ESYT2: variants seen among roughly 807,000 people sequenced by gnomAD.
ESYT2 encodes extended synaptotagmin 2, also known as extended synaptotagmin-2.
In ESYT2, 54 loss-of-function variants were observed where a neutral mutation model predicts 107.2. That is an observed-to-expected ratio of 0.50 (90% CI 0.40 to 0.63). The LOEUF (loss-of-function observed/expected upper bound fraction) is 0.63. Ranked by LOEUF, ESYT2 falls within the 30% of genes least tolerant of loss-of-function variation. The pLI, the probability that ESYT2 is intolerant of heterozygous loss-of-function variation, is 0.00. For synonymous variants in ESYT2, 491 were observed against 434.1 expected, an observed-to-expected ratio of 1.13 and a Z score of -1.63; for missense variants, 1,020 against 1,094.5, an observed-to-expected ratio of 0.93 and a Z score of 0.96.
At chr7:158,770,500 T>C (rs1469178084) in intron 7 of ESYT2, among the ~76,000 whole-genome samples, 5 of 150,830 alleles carry the variant, frequency 3.3e-5, no homozygotes, top group Non-Finnish European at 7.4e-5. Flanking sequence ...TAATTATACA[T>C]ATACGATTAT....
chr7:158,781,882 T>A (rs1429142731), intron 6 of ESYT2, among the ~76,000 whole-genome samples: 1 of 18,696 alleles, frequency 5.3e-5, no homozygotes, highest in Admixed American at 7.5e-4. Flanking sequence ...CGAGAACAAG[T>A]AAGAACGAGA....
chr7:158,756,914 TAAAAA>T (rs201326042), intron 13 of ESYT2, among the ~76,000 whole-genome samples: 4 of 98,802 alleles, frequency 4.0e-5, no homozygotes, highest in African/African-American at 8.1e-5. Context: ...CATCTCAAAT[TAAAAA>T]AAAAAAAAAA....
chr7:158,743,774 T>G (rs66795622), intron 16 of ESYT2, 96 bp from the exon 17 acceptor site: 211,682 of 1,326,352 alleles, frequency 0.16, 21,098 homozygotes, highest in East Asian at 0.54. Context: ...TCCTCAGAGA[T>G]AGGAACTTAG....
rs112835563 is a variant in ESYT2, at chr7:158,741,283, C to T, written c.2168+240G>A. Among the ~76,000 whole-genome samples, 724 of 152,346 alleles carry T rather than the reference C, an allele frequency of 4.8e-3. 11 individuals are homozygous for T. The highest frequency in any genetic ancestry group is 0.016 in the African/African-American group (654 of 41,584). ...TTTCCTACTGTGAAACCTATTACTC[C>T]ATCACGTTCTAATCTTTAATGACTA... On this transcript the variant is annotated intron_variant, in intron 18 of 22. Transcript: ENST00000275418.
chr7:158,747,236 T>C (rs148517240), intron 16 of ESYT2, among the ~76,000 whole-genome samples: 1,774 of 143,448 alleles, frequency 0.012, 41 homozygotes, highest in African/African-American at 0.038. Context: ...TAATCCCAGC[T>C]CTCAGGAGGC....
At chr7:158,744,316 A>G (rs1360612667) in intron 16 of ESYT2, 5 of 152,374 alleles carry the variant, frequency 3.3e-5, no homozygotes, top group Middle Eastern at 6.8e-3. Flanking sequence ...GAAAAGCAGT[A>G]ATGACAATAA....
chr7:158,769,600 T>C (rs1235419977), intron 7 of ESYT2, among the ~76,000 whole-genome samples: 2 of 152,236 alleles, frequency 1.3e-5, no homozygotes, highest in Non-Finnish European at 2.9e-5. Flanking sequence ...GTATTTTGTT[T>C]CCACCATAAT....
intron 13 of ESYT2, among the ~76,000 whole-genome samples, chr7:158,758,040 C>T (rs114908321): frequency 0.021 from 3,185 of 152,166 alleles, 111 homozygotes; most frequent in African/African-American, 0.071. Context: ...GAAATTGTAA[C>T]AGGTAAAGTC....
At chr7:158,812,468 G>C (rs187958954) in intron 1 of ESYT2, among the ~76,000 whole-genome samples, 5 of 152,302 alleles carry the variant, frequency 3.3e-5, no homozygotes, top group Admixed American at 3.3e-4. Context: ...ACAAGTGTTG[G>C]CAAGGATGTG....
At chr7:158,810,650 C>G (rs542745990) in intron 1 of ESYT2, among the ~76,000 whole-genome samples, 10 of 152,066 alleles carry the variant, frequency 6.6e-5, no homozygotes, top group Non-Finnish European at 1.2e-4. Context: ...TCACTGCGCT[C>G]CAGCCTGGGT....
intron 6 of ESYT2, 96 bp from the exon 7 acceptor site, chr7:158,773,492 T>C: frequency 8.2e-7 from 1 of 1,213,422 alleles, no homozygotes; most frequent in Middle Eastern, 1.9e-4. Context: ...CAAAATGGGT[T>C]AGTACACAAC....
chr7:158,825,727 GTT>G (rs761298476), intron 1 of ESYT2, among the ~76,000 whole-genome samples: 4 of 152,296 alleles, frequency 2.6e-5, no homozygotes, highest in Non-Finnish European at 5.9e-5. Flanking sequence ...CTTAATTCAT[GTT>G]TTCCTATGTT....
At chr7:158,818,831 A>G (rs1284947555) in intron 1 of ESYT2, among the ~76,000 whole-genome samples, 1 of 152,264 alleles carries the variant, frequency 6.6e-6, no homozygotes, top group African/African-American at 2.4e-5. Flanking sequence ...CACCAGAGCC[A>G]GAGCCTGAGC....
intron 6 of ESYT2, among the ~76,000 whole-genome samples, chr7:158,775,380 T>C (rs1838524736): frequency 1.2e-5 from 1 of 81,222 alleles, no homozygotes; most frequent in Non-Finnish European, 3.8e-5. Context: ...CTCTGTAGCA[T>C]GCCACACTGT....
At chr7:158,739,924 G>GA (rs1325556154) in intron 18 of ESYT2, among the ~76,000 whole-genome samples, 64 of 140,936 alleles carry the variant, frequency 4.5e-4, no homozygotes, top group African/African-American at 1.7e-3. Flanking sequence ...GGCCATGCCA[G>GA]GCAAGGGTAA....
chr7:158,756,385 C>A (rs1417139464), intron 13 of ESYT2, among the ~76,000 whole-genome samples: 2 of 152,142 alleles, frequency 1.3e-5, no homozygotes, highest in African/African-American at 4.8e-5. Context: ...GCTCAATTAT[C>A]CACTCCAGGA....
At chr7:158,747,297 G>T (rs1322561265) in intron 16 of ESYT2, among the ~76,000 whole-genome samples, 2 of 151,950 alleles carry the variant, frequency 1.3e-5, no homozygotes, top group East Asian at 3.9e-4. Flanking sequence ...CAGTGACTGA[G>T]ATCGCACCAC....
At chr7:158,787,290 T>C (rs1349270559) in intron 6 of ESYT2, among the ~76,000 whole-genome samples, 1 of 152,196 alleles carries the variant, frequency 6.6e-6, no homozygotes, top group Admixed American at 6.5e-5. Context: ...TGCTTCAATA[T>C]AAGAAACTTT....
At chr7:158,815,847 C>T (rs1840134571) in intron 1 of ESYT2, among the ~76,000 whole-genome samples, 1 of 152,208 alleles carries the variant, frequency 6.6e-6, no homozygotes. Context: ...GAGCACAGTC[C>T]ATTAACAGTG....
Sources: allele counts gnomAD v4.1 joint callset (sites outside exome capture counted in the v4.1 genomes callset), GRCh38; gene constraint gnomAD v4.1.1; transcripts MANE v1.5; gene names NCBI Gene and HGNC (gene_info 2026-07-23, HGNC 2026-07-21).